CYP4X1: variants seen among roughly 807,000 people sequenced by gnomAD.
The protein encoded by CYP4X1 is cytochrome P450 family 4 subfamily X member 1.
Under a neutral mutation model 57.9 loss-of-function variants are expected in CYP4X1, and 44 were observed. The ratio of observed to expected loss-of-function variants is 0.76; its 90% confidence interval spans 0.60 to 0.98. The LOEUF (loss-of-function observed/expected upper bound fraction) is 0.98. Ranked by LOEUF, CYP4X1 falls within the 50% of genes least tolerant of loss-of-function variation. The pLI, the probability that CYP4X1 is intolerant of heterozygous loss-of-function variation, is 0.00. For missense variants in CYP4X1, 532 were observed against 623.9 expected (o/e 0.85, Z 1.57); for synonymous variants, 227 against 228.6 (o/e 0.99, Z 0.06).
At chr1:47,012,693 G>GT in the CYP4X1 span, among the ~76,000 whole-genome samples, 1 of 152,264 alleles carries the variant, frequency 6.6e-6, no homozygotes, top group Middle Eastern at 3.4e-3. Context: ...AGGGACCAAG[G>GT]TTTTTTAGCT....
the CYP4X1 span, among the ~76,000 whole-genome samples, chr1:46,984,128 C>T: frequency 6.2e-5 from 7 of 113,452 alleles, no homozygotes; most frequent in African/African-American, 1.3e-4. Flanking sequence ...TGGGGGAGGG[C>T]GGGGAGGGTG....
the CYP4X1 span, among the ~76,000 whole-genome samples, chr1:46,962,835 T>C: frequency 6.6e-6 from 1 of 152,210 alleles, no homozygotes; most frequent in East Asian, 1.9e-4. Flanking sequence ...TTGATCTGTC[T>C]AATGTTGACA....
At chr1:46,965,342 G>T in the CYP4X1 span, among the ~76,000 whole-genome samples, 1 of 152,210 alleles carries the variant, frequency 6.6e-6, no homozygotes, top group African/African-American at 2.4e-5. Flanking sequence ...CTTCTGCATT[G>T]CTCACGCTGG....
chr1:46,984,602 G>A, the CYP4X1 span, among the ~76,000 whole-genome samples: 1 of 152,086 alleles, frequency 6.6e-6, no homozygotes, highest in African/African-American at 2.4e-5. Context: ...GGAAGCGCAA[G>A]GGGTCAGGGA....
the CYP4X1 span, among the ~76,000 whole-genome samples, chr1:46,999,376 C>T: frequency 1.4e-4 from 22 of 151,940 alleles, no homozygotes; most frequent in Non-Finnish European, 2.6e-4. Flanking sequence ...TTATAGTAGT[C>T]GCTGAGGATC....
At chr1:46,982,037 AAGTTACTGGGTGC>A in the CYP4X1 span, among the ~76,000 whole-genome samples, 1 of 152,102 alleles carries the variant, frequency 6.6e-6, no homozygotes, top group Non-Finnish European at 1.5e-5. Context: ...TGTAAATGAC[AAGTTACTGGGTGC>A]AGCAAATCAA....
At chr1:47,012,146 C>T in the CYP4X1 span, among the ~76,000 whole-genome samples, 1 of 152,184 alleles carries the variant, frequency 6.6e-6, no homozygotes, top group African/African-American at 2.4e-5. Flanking sequence ...ATAGCAAAGA[C>T]TTGGAACCAA....
chr1:47,049,274 C>A, intron 10 of CYP4X1, 148 bp from the exon 11 acceptor site: 1 of 589,060 alleles, frequency 1.7e-6, no homozygotes, highest in Non-Finnish European at 3.0e-6. Context: ...TTAAGATTAA[C>A]TTCACCTTTT....
At chr1:47,024,770 G>A (rs187832302) in intron 1 of CYP4X1, among the ~76,000 whole-genome samples, 4 of 152,112 alleles carry the variant, frequency 2.6e-5, no homozygotes, top group African/African-American at 9.7e-5. Context: ...ATACATCTCC[G>A]CCTAGAGAAG....
chr1:47,017,480 G>A, the CYP4X1 span, among the ~76,000 whole-genome samples: 1 of 151,944 alleles, frequency 6.6e-6, no homozygotes. Flanking sequence ...GGCAGGGGGT[G>A]GAGATGGGGG....
the CYP4X1 span, among the ~76,000 whole-genome samples, chr1:46,969,873 C>T: frequency 6.6e-6 from 1 of 152,118 alleles, no homozygotes; most frequent in African/African-American, 2.4e-5. Flanking sequence ...CAGAACTTGC[C>T]AAATGGAAAT....
At chr1:47,054,791 GTTGT>G (rs949838308), downstream of CYP4X1, among the ~76,000 whole-genome samples, 2 of 152,310 alleles carry the variant, frequency 1.3e-5, no homozygotes, top group African/African-American at 4.8e-5. Context: ...CTTTGCTGAA[GTTGT>G]TTATCAGCTT....
chr1:47,027,820 G>T (rs1377462625), intron 1 of CYP4X1, among the ~76,000 whole-genome samples: 1 of 152,096 alleles, frequency 6.6e-6, no homozygotes, highest in Non-Finnish European at 1.5e-5. Flanking sequence ...GACTAAAATA[G>T]CACCTCTAGT....
chr1:47,031,381 G>A, intron 2 of CYP4X1, 55 bp from the exon 3 acceptor site: 1 of 1,597,740 alleles, frequency 6.3e-7, no homozygotes. Context: ...AACTTGAACT[G>A]ATAATGAATG....
At chr1:47,051,268 T>C (rs1644358436), downstream of CYP4X1, among the ~76,000 whole-genome samples, 1 of 151,912 alleles carries the variant, frequency 6.6e-6, no homozygotes, top group Non-Finnish European at 1.5e-5. Context: ...TAGGAAGACT[T>C]TTACACTGTT....
At chr1:46,987,133 T>C in the CYP4X1 span, among the ~76,000 whole-genome samples, 1 of 152,040 alleles carries the variant, frequency 6.6e-6, no homozygotes, top group African/African-American at 2.4e-5. Context: ...AGGAGACCCA[T>C]CATACATGCA....
At chr1:47,017,042 T>C in the CYP4X1 span, among the ~76,000 whole-genome samples, 1 of 152,218 alleles carries the variant, frequency 6.6e-6, no homozygotes, top group African/African-American at 2.4e-5. Flanking sequence ...CTCATTCTTT[T>C]TTATGGCTGA....
At chr1:47,048,021 C>T (rs1644320788) in intron 9 of CYP4X1, among the ~76,000 whole-genome samples, 1 of 151,582 alleles carries the variant, frequency 6.6e-6, no homozygotes, top group African/African-American at 2.4e-5. Context: ...GGTGGGAAGA[C>T]TGCTTGAAGT....
At chr1:46,986,603 T>C in the CYP4X1 span, among the ~76,000 whole-genome samples, 1 of 151,232 alleles carries the variant, frequency 6.6e-6, no homozygotes, top group African/African-American at 2.4e-5. Flanking sequence ...AAGGTTGAAA[T>C]GAAGGAAAAA....
Sources: gnomAD v4.1 joint callset for allele counts (sites outside exome capture counted in the v4.1 genomes callset) on GRCh38, gnomAD v4.1.1 for gene constraint, MANE v1.5 for transcripts, NCBI Gene and HGNC (gene_info 2026-07-23, HGNC 2026-07-21) for gene names.